Variants in HSPA12A observed in about 807,000 individuals in gnomAD.
HSPA12A encodes heat shock 70 kDa protein 12A.
Under a neutral mutation model 69.2 loss-of-function variants are expected in HSPA12A, and 28 were observed. That is an observed-to-expected ratio of 0.40 (90% CI 0.30 to 0.55). HSPA12A has a LOEUF of 0.55. Ranked by LOEUF, HSPA12A falls within the 20% of genes least tolerant of loss-of-function variation. HSPA12A has a pLI of 0.38. For synonymous variants in HSPA12A, 345 were observed against 370.5 expected, an observed-to-expected ratio of 0.93 and a Z score of 0.79; for missense variants, 686 against 900.7, an observed-to-expected ratio of 0.76 and a Z score of 3.05.
chr10:116,778,551 G>A (rs1844391876), intron 2 of HSPA12A, among the ~76,000 whole-genome samples: 1 of 152,196 alleles, frequency 6.6e-6, no homozygotes, highest in South Asian at 2.1e-4. Flanking sequence ...GAAGCTTTGT[G>A]TAGTCATTCC....
intron 2 of HSPA12A, among the ~76,000 whole-genome samples, chr10:116,757,676 A>G (rs1265288579): frequency 2.0e-5 from 3 of 152,220 alleles, no homozygotes; most frequent in Non-Finnish European, 2.9e-5. Context: ...GACTTTGGGC[A>G]CTGCTTGGTA....
intron 2 of HSPA12A, among the ~76,000 whole-genome samples, chr10:116,788,252 G>A (rs1341462802): frequency 3.3e-5 from 5 of 152,204 alleles, no homozygotes. Context: ...CTCTGGTGGT[G>A]GAGCTGGTGA....
At chr10:116,679,194 C>T (rs978860047) in intron 10 of HSPA12A, among the ~76,000 whole-genome samples, 5 of 152,200 alleles carry the variant, frequency 3.3e-5, no homozygotes, top group Non-Finnish European at 7.3e-5. Context: ...AACTAAACTT[C>T]GCTGCTTTCA....
intron 2 of HSPA12A, among the ~76,000 whole-genome samples, chr10:116,748,484 A>C (rs1554888003): frequency 6.6e-6 from 1 of 152,224 alleles, no homozygotes; most frequent in African/African-American, 2.4e-5. Context: ...CACTTTTCTC[A>C]GTGACTTCTG....
chr10:116,803,758 A>C (rs1289406332), intron 2 of HSPA12A, among the ~76,000 whole-genome samples: 1 of 152,228 alleles, frequency 6.6e-6, no homozygotes, highest in African/African-American at 2.4e-5. Flanking sequence ...AAGGGATGTG[A>C]GCTTGACGAA....
chr10:116,676,176 C>T (rs958047122), intron 11 of HSPA12A, among the ~76,000 whole-genome samples: 6 of 152,226 alleles, frequency 3.9e-5, no homozygotes, highest in Admixed American at 3.9e-4. Context: ...TTGGGTGAGA[C>T]AAGCTCTCAG....
In HSPA12A at chr10:116,686,111, T is replaced by G. The variant is rs1849569090; in HGVS notation, c.664-2149A>C. ...TGCCCCCTATTCAAGCAAGTAAAAG[T>G]CCCCCCTCCCCAGCTTCACTCTCAC... On this transcript the variant is annotated intron_variant, in intron 6 of 11. Transcript: ENST00000369209. This position sits in a 1 kb window ranked among gnomAD's most constrained non-coding sequence, Gnocchi z 4.1. Among the ~76,000 whole-genome samples, 1 of 150,964 alleles carries G rather than the reference T, an allele frequency of 6.6e-6. No homozygotes were observed. The highest frequency in any genetic ancestry group is 2.4e-5 in the African/African-American group (1 of 40,984).
At chr10:116,705,893 C>CTTTTTTT (rs369606540) in intron 2 of HSPA12A, among the ~76,000 whole-genome samples, 2 of 115,618 alleles carry the variant, frequency 1.7e-5, no homozygotes, top group African/African-American at 3.2e-5. Flanking sequence ...TCTCTCTCTC[C>CTTTTTTT]TTTTTTTTTT....
At chr10:116,744,014 A>G (rs996452605), upstream of HSPA12A, among the ~76,000 whole-genome samples, 3 of 152,176 alleles carry the variant, frequency 2.0e-5, no homozygotes, top group South Asian at 6.2e-4. Context: ...TCATTAAGTC[A>G]CTGATGGCCC....
At chr10:116,795,120 A>G (rs1844789270) in intron 2 of HSPA12A, among the ~76,000 whole-genome samples, 1 of 152,186 alleles carries the variant, frequency 6.6e-6, no homozygotes, top group Admixed American at 6.5e-5. Flanking sequence ...ACATTCTGTA[A>G]CCAGGTCTCT....
intron 1 of HSPA12A, among the ~76,000 whole-genome samples, chr10:116,736,121 T>C (rs1851308901): frequency 6.6e-6 from 1 of 152,234 alleles, no homozygotes; most frequent in Admixed American, 6.5e-5. Flanking sequence ...AATGCATTGA[T>C]TGTTTTCCCT....
intron 2 of HSPA12A, among the ~76,000 whole-genome samples, chr10:116,816,827 T>C (rs537078037): frequency 2.6e-5 from 4 of 152,224 alleles, no homozygotes; most frequent in Non-Finnish European, 5.9e-5. Flanking sequence ...TTTTATGCTC[T>C]GGGTTACAAA....
At chr10:116,751,426 G>A (rs887032345) in intron 2 of HSPA12A, among the ~76,000 whole-genome samples, 20 of 152,214 alleles carry the variant, frequency 1.3e-4, no homozygotes, top group Admixed American at 4.6e-4. Flanking sequence ...ATGCATATGC[G>A]TTGTGCACTC....
In HSPA12A at chr10:116,809,040, C is replaced by T. The variant is rs1372735335; in HGVS notation, c.91+25895G>A. The stretch of plus-strand genomic sequence containing the variant: ...CTTCCTAGAGGGCTGTCCTATGGCT[C>T]CAGCAGCATCCGGCCTGGGCACATG... On this transcript the variant is annotated intron_variant, in intron 2 of 12. Coordinates refer to the HSPA12A transcript ENST00000635765. Among the ~76,000 whole-genome samples the T allele has an allele frequency of 2.0e-5, 3 of 152,274 alleles. No individual in the cohort carries two copies. In the East Asian group the frequency reaches 5.8e-4, roughly 29 times the overall value.
intron 1 of HSPA12A, among the ~76,000 whole-genome samples, chr10:116,717,273 C>T (rs1186148478): frequency 6.6e-6 from 1 of 152,194 alleles, no homozygotes; most frequent in Non-Finnish European, 1.5e-5. Flanking sequence ...GTTCCCAGTG[C>T]CACTAAGGCA....
chr10:116,703,481 C>T (rs1249586838), intron 3 of HSPA12A, among the ~76,000 whole-genome samples: 3 of 151,738 alleles, frequency 2.0e-5, no homozygotes, highest in Admixed American at 2.0e-4. Context: ...CTGCAGAGAG[C>T]CATGATCACA....
At chr10:116,839,727 T>C (rs982760346) in intron 1 of HSPA12A, among the ~76,000 whole-genome samples, 4 of 151,666 alleles carry the variant, frequency 2.6e-5, no homozygotes, top group African/African-American at 9.7e-5. Context: ...AAGGTGAGTC[T>C]ATCATAAACA....
At chr10:116,761,931 G>T (rs1843981990) in intron 2 of HSPA12A, among the ~76,000 whole-genome samples, 1 of 152,196 alleles carries the variant, frequency 6.6e-6, no homozygotes, top group African/African-American at 2.4e-5. Context: ...ATTTTCTTGA[G>T]AGACTACAGG....
At chr10:116,732,576 C>T (rs974267283) in intron 1 of HSPA12A, among the ~76,000 whole-genome samples, 1 of 152,210 alleles carries the variant, frequency 6.6e-6, no homozygotes, top group East Asian at 1.9e-4. Context: ...TGGGCAACCA[C>T]TACTGTCAAG....
Sources: gnomAD v4.1 joint callset for allele counts (sites outside exome capture counted in the v4.1 genomes callset) on GRCh38, gnomAD v4.1.1 for gene constraint, Gnocchi (gnomAD v3.1) non-coding constraint, MANE v1.5 for transcripts, NCBI Gene and HGNC (gene_info 2026-07-23, HGNC 2026-07-21) for gene names.